The following TANC1 variants were observed in gnomAD, a reference collection of about 807,000 sequenced individuals.
The protein encoded by TANC1 is tetratricopeptide repeat, ankyrin repeat and coiled-coil containing 1.
A neutral mutation model predicts 149.7 loss-of-function variants in TANC1; 77 were observed. The observed-to-expected ratio is 0.51, with a 90% CI of 0.43 to 0.62. The LOEUF (loss-of-function observed/expected upper bound fraction) is 0.62. Among genes scored for constraint, TANC1 ranks in the 20% least tolerant of loss-of-function variants. The pLI is 0.00. For missense variants in TANC1, 1,985 were observed against 2,321.8 expected (o/e 0.85, Z 2.98); for synonymous variants, 854 against 925.0 (o/e 0.92, Z 1.39).
chr2:159,176,762 T>G (rs1413084803), intron 13 of TANC1, among the ~76,000 whole-genome samples: 1 of 152,188 alleles, frequency 6.6e-6, no homozygotes, highest in Non-Finnish European at 1.5e-5. Context: ...ACTTTTCAAA[T>G]GGTGGCATCT....
intron 3 of TANC1, among the ~76,000 whole-genome samples, chr2:159,071,403 T>G (rs976767172): frequency 6.6e-6 from 1 of 152,226 alleles, no homozygotes; most frequent in Admixed American, 6.5e-5. Flanking sequence ...AAAAAAATTT[T>G]TTTTTGACCT....
chr2:159,009,890 TAAAAA>T (rs35324635), intron 2 of TANC1, among the ~76,000 whole-genome samples: 7 of 147,972 alleles, frequency 4.7e-5, no homozygotes, highest in Non-Finnish European at 9.0e-5. Flanking sequence ...ATTTACAAAT[TAAAAA>T]AAAAAAATCT....
intron 1 of TANC1, among the ~76,000 whole-genome samples, chr2:158,974,246 G>A (rs957469224): frequency 2.0e-5 from 3 of 152,136 alleles, no homozygotes; most frequent in Non-Finnish European, 2.9e-5. Flanking sequence ...CACTGGTGCC[G>A]TGGTGGTTAC....
intron 3 of TANC1, among the ~76,000 whole-genome samples, chr2:159,073,873 C>T (rs369197186): frequency 1.3e-5 from 2 of 151,964 alleles, no homozygotes; most frequent in Non-Finnish European, 1.5e-5. Flanking sequence ...AGTGGGGAGA[C>T]GGGCTACAAA....
At chr2:159,105,390 T>C (rs1441035123) in intron 4 of TANC1, among the ~76,000 whole-genome samples, 1 of 152,224 alleles carries the variant, frequency 6.6e-6, no homozygotes, top group African/African-American at 2.4e-5. Flanking sequence ...TATAACAAAA[T>C]TGACCATCTT....
At chr2:159,003,593 TG>T (rs139544190) in intron 2 of TANC1, among the ~76,000 whole-genome samples, 3,690 of 152,278 alleles carry the variant, frequency 0.024, 171 homozygotes, top group African/African-American at 0.086. Flanking sequence ...AGGCATAAAG[TG>T]GAAGTCACAG....
intron 1 of TANC1, among the ~76,000 whole-genome samples, chr2:158,990,267 A>G (rs2035484982): frequency 6.6e-6 from 1 of 152,182 alleles, no homozygotes; most frequent in Non-Finnish European, 1.5e-5. Context: ...GGTGAGAAAT[A>G]ATGTTTGTAC....
intron 22 of TANC1, among the ~76,000 whole-genome samples, chr2:159,222,604 C>T (rs914506050): frequency 3.2e-4 from 49 of 152,160 alleles, no homozygotes; most frequent in Admixed American, 2.8e-3. Flanking sequence ...CTCCATTGTA[C>T]GTATACACCA....
intron 1 of TANC1, among the ~76,000 whole-genome samples, chr2:158,982,812 A>C (rs750657974): frequency 6.6e-6 from 1 of 151,890 alleles, no homozygotes. Flanking sequence ...TTCTGTAGAG[A>C]TAGGATCTGC....
intron 14 of TANC1, 34 bp downstream of exon 14, chr2:159,179,197 G>A (rs887740345): frequency 5.1e-6 from 8 of 1,577,870 alleles, no homozygotes; most frequent in Admixed American, 1.8e-5. Flanking sequence ...CTCTTTGCAG[G>A]GAATCTCGTG....
chr2:159,049,138 G>A (rs547192198), intron 2 of TANC1, among the ~76,000 whole-genome samples: 1 of 152,280 alleles, frequency 6.6e-6, no homozygotes, highest in Admixed American at 6.5e-5. Context: ...TAAGGAGAGG[G>A]CCCTTTTAAT....
At chr2:159,019,622 T>G (rs1435927139) in intron 2 of TANC1, among the ~76,000 whole-genome samples, 1 of 150,428 alleles carries the variant, frequency 6.6e-6, no homozygotes, top group African/African-American at 2.4e-5. Context: ...TGATGATCTT[T>G]GCTTCCCTAA....
At chr2:159,166,882 A>C (rs2054657679) in intron 8 of TANC1, among the ~76,000 whole-genome samples, 1 of 152,174 alleles carries the variant, frequency 6.6e-6, no homozygotes, top group African/African-American at 2.4e-5. Flanking sequence ...ATCGTATTTG[A>C]AATTGAGAAT....
intron 3 of TANC1, among the ~76,000 whole-genome samples, chr2:159,076,706 T>C (rs2043719487): frequency 6.6e-6 from 1 of 152,228 alleles, no homozygotes; most frequent in Admixed American, 6.5e-5. Flanking sequence ...AGGAGGATCT[T>C]AGAAATTGAG....
At chr2:159,152,008 G>A (rs2150329109) in intron 7 of TANC1, among the ~76,000 whole-genome samples, 1 of 151,948 alleles carries the variant, frequency 6.6e-6, no homozygotes, top group East Asian at 1.9e-4. Context: ...CCTACTCCAA[G>A]CTCCCCAGTC....
chr2:159,164,325 T>G (rs2054358229), intron 8 of TANC1, among the ~76,000 whole-genome samples: 2 of 152,248 alleles, frequency 1.3e-5, no homozygotes, highest in Admixed American at 1.3e-4. Context: ...TACATTGTAT[T>G]AGGTATTATA....
chr2:159,172,334 G>T (rs1394141375), intron 11 of TANC1, 62 bp downstream of exon 11: 4 of 1,531,074 alleles, frequency 2.6e-6, no homozygotes, highest in Non-Finnish European at 2.7e-6. Flanking sequence ...TGGTTTCTGA[G>T]AAGTAGATTG....
At chr2:159,086,183 C>G (rs1261627918) in intron 3 of TANC1, among the ~76,000 whole-genome samples, 1 of 151,584 alleles carries the variant, frequency 6.6e-6, no homozygotes, top group African/African-American at 2.4e-5. Flanking sequence ...ATGTGGAGTT[C>G]TCTGTTATTA....
intron 4 of TANC1, among the ~76,000 whole-genome samples, chr2:159,125,108 T>C (rs1218241479): frequency 1.3e-5 from 2 of 152,058 alleles, no homozygotes; most frequent in African/African-American, 4.8e-5. Context: ...GAGCTAGAGA[T>C]TTCCTCCTTG....
Sources: allele counts gnomAD v4.1 joint callset (sites outside exome capture counted in the v4.1 genomes callset), GRCh38; gene constraint gnomAD v4.1.1; transcripts MANE v1.5; gene names NCBI Gene and HGNC (gene_info 2026-07-23, HGNC 2026-07-21).